Variants in MGA observed in about 807,000 individuals in gnomAD.
MGA encodes the protein MAX dimerization protein MGA.
In MGA, 40 loss-of-function variants were observed where a neutral mutation model predicts 261.1. The ratio of observed to expected loss-of-function variants is 0.15; its 90% CI spans 0.12 to 0.20. MGA has a LOEUF of 0.20. MGA is among the 10% of genes least tolerant of loss of function. The pLI is 1.00. For synonymous variants in MGA, 1,302 were observed against 1,290.6 expected (o/e 1.01, Z -0.19); for missense variants, 3,397 against 3,630.5 (o/e 0.94, Z 1.65).
rs556023707 is a variant in MGA at position 41,742,850 on chromosome 15, T to C, written c.4890T>C (p.Ser1630=). 3 of 1,613,986 alleles carry C rather than the reference T, an allele frequency of 1.9e-6. No individual in the cohort carries two copies. The highest frequency in any genetic ancestry group is 2.7e-5 in the African/African-American group (2 of 75,044). ...AAACTAAAGAAACTACTTATTCTTCTGGTGCCACCACTACAGGGGTTGTTG... is the reference window on the plus strand; with the variant it reads ...AAACTAAAGAAACTACTTATTCTTCCGGTGCCACCACTACAGGGGTTGTTG... Residue 1630 remains serine (S), a synonymous_variant, in exon 15 of 24, where the codon TCT becomes TCC. Transcript: ENST00000219905.
At chr15:41,697,142 G>C (rs2059584537) in intron 3 of MGA, 119 bp downstream of exon 3, 1 of 855,198 alleles carries the variant, frequency 1.2e-6, no homozygotes, top group Non-Finnish European at 1.7e-6. Flanking sequence ...GAGGGTGTAT[G>C]GGGGGTGGAG....
At chr15:41,702,705 T>C (rs1471611392) in intron 5 of MGA, among the ~76,000 whole-genome samples, 3 of 152,232 alleles carry the variant, frequency 2.0e-5, no homozygotes, top group African/African-American at 4.8e-5. Flanking sequence ...AATTTTTCTT[T>C]CCGTGGTACT....
chr15:41,640,728 A>G (rs987683937), intron 1 of MGA, among the ~76,000 whole-genome samples: 2 of 152,194 alleles, frequency 1.3e-5, no homozygotes, highest in African/African-American at 4.8e-5. Context: ...CATGTAAGTT[A>G]GGCTGGTCTC....
chr15:41,665,629 A>G (rs576700514), intron 1 of MGA, among the ~76,000 whole-genome samples: 3 of 151,328 alleles, frequency 2.0e-5, no homozygotes, highest in East Asian at 4.0e-4. Context: ...CAGCCTCCCA[A>G]CGTGCTGGCA....
intron 9 of MGA, among the ~76,000 whole-genome samples, chr15:41,723,580 T>G (rs963317856): frequency 2.6e-5 from 4 of 152,100 alleles, no homozygotes; most frequent in African/African-American, 9.7e-5. Flanking sequence ...CATGCCCAGC[T>G]AAAGCTTTTT....
rs1432549913 is a variant in MGA at position 41,767,361 on chromosome 15, G to A, written c.*81G>A. The stretch of plus-strand genomic sequence containing the variant: ...TTTCTCTGCAGGCATCTGTTTGTTT[G>A]TGTCTTAGAACTTGGATCCTTGACT... On this transcript the variant is annotated 3_prime_UTR_variant, in exon 24 of 24. Coordinates refer to ENST00000219905, the MANE Select transcript of MGA (RefSeq NM_001164273.2). The A allele has an allele frequency of 1.4e-6, 2 of 1,447,304 alleles. No homozygotes were observed. Among genetic ancestry groups the A allele is most frequent in the Non-Finnish European group, 1.9e-6 (2 of 1,072,846 alleles). 89.7% of individuals were successfully genotyped at this position (1,447,304 alleles called of 1,614,324 possible). A position where few individuals can be genotyped will look rare whatever the true frequency, so the allele number is the denominator to read the frequency against.
chr15:41,663,460 C>T (rs1194282739), intron 1 of MGA, among the ~76,000 whole-genome samples: 1 of 149,406 alleles, frequency 6.7e-6, no homozygotes, highest in Non-Finnish European at 1.5e-5. Context: ...AGTAGCCTAC[C>T]CTTTTCTTTT....
chr15:41,763,142 C>T (rs1384841644), intron 22 of MGA, among the ~76,000 whole-genome samples: 15 of 130,668 alleles, frequency 1.1e-4, no homozygotes, highest in African/African-American at 3.3e-4. Flanking sequence ...CTCTGTTGCC[C>T]GGGCTGGAGT....
At chr15:41,709,728 G>C (rs2060294218) in intron 7 of MGA, among the ~76,000 whole-genome samples, 1 of 151,328 alleles carries the variant, frequency 6.6e-6, no homozygotes, top group Non-Finnish European at 1.5e-5. Flanking sequence ...GAACCCCCGT[G>C]CTCAGTCTCA....
At chr15:41,729,913 A>G (rs768176965) in intron 11 of MGA, among the ~76,000 whole-genome samples, 1 of 151,378 alleles carries the variant, frequency 6.6e-6, no homozygotes, top group African/African-American at 2.4e-5. Flanking sequence ...TTATTTTGAG[A>G]TAGAGTTTTG....
At chr15:41,724,764 G>A (rs1267718162) in intron 9 of MGA, among the ~76,000 whole-genome samples, 4 of 152,176 alleles carry the variant, frequency 2.6e-5, no homozygotes, top group Admixed American at 2.6e-4. Context: ...GACAGAGACT[G>A]CAGCTGGCTA....
In MGA at chr15:41,710,860, A is replaced by G. The variant is rs2151478381; in HGVS notation, c.2595A>G (p.Val865=). ...TTCCCACTAAGAGTACCAGTTATGT[A>G]CGAACACTTGATAGTGTACTAAAGA... Residue 865 remains valine (V), a synonymous_variant, in exon 8 of 24, where the codon GTA becomes GTG. Transcript: ENST00000219905. 1 of 1,613,986 alleles carries G rather than the reference A, an allele frequency of 6.2e-7. No homozygotes were observed. The highest frequency in any genetic ancestry group is 8.5e-7 in the Non-Finnish European group (1 of 1,179,856).
At chr15:41,747,566 C>CAA (rs1203197778) in intron 15 of MGA, among the ~76,000 whole-genome samples, 16 of 117,734 alleles carry the variant, frequency 1.4e-4, no homozygotes, top group Non-Finnish European at 2.0e-4. Context: ...TCCATCTCCA[C>CAA]AAAAAAAAAA....
chr15:41,759,703 T>C (rs2063347663), intron 19 of MGA, among the ~76,000 whole-genome samples: 3 of 152,302 alleles, frequency 2.0e-5, no homozygotes, highest in Middle Eastern at 3.4e-3. Flanking sequence ...AAGAAGGACT[T>C]TCCTGAAAAA....
At chr15:41,621,388 C>G (rs2056275702) in intron 1 of MGA, 1 of 152,302 alleles carries the variant, frequency 6.6e-6, no homozygotes, top group Non-Finnish European at 1.5e-5. Context: ...GGATGGCCCT[C>G]TAACTACCCT....
chr15:41,657,995 C>T (rs2057242091), upstream of MGA, among the ~76,000 whole-genome samples: 2 of 152,124 alleles, frequency 1.3e-5, no homozygotes, highest in Admixed American at 6.5e-5. Flanking sequence ...AGCCTTTCCC[C>T]TATCCTCAGC....
chr15:41,662,077 C>T lies in MGA; in HGVS notation c.-68+1552C>T, dbSNP rs566077386. The stretch of plus-strand genomic sequence containing the variant: ...CTCGGGGAAGGCAGTGAGACCGAGC[C>T]TTTTACTTTCCTGCGTATCGGAACA... On this transcript the variant is annotated intron_variant, in intron 1 of 23. Transcript: ENST00000219905. 4.5e-4 allele frequency among the ~76,000 whole-genome samples: 68 copies of T among 152,262 alleles called. No homozygotes were observed. In the South Asian group the frequency reaches 0.011, roughly 24 times the overall value.
Position 41,742,977 on chromosome 15 carries a change from G to A in MGA, c.5017G>A (p.Val1673Ile), listed in dbSNP as rs1387971639. 2 of 1,613,882 alleles carry A rather than the reference G, an allele frequency of 1.2e-6. No individual in the cohort carries two copies. The highest frequency in any genetic ancestry group is 1.7e-6 in the Non-Finnish European group (2 of 1,179,896). ...TGGGATAACTACCCCTGTGGCTTCA[G>A]TTGCTTTTCCTAAGTCTTTGGTAGC... Residue 1673 changes from valine to isoleucine, a missense_variant, in exon 15 of 24, where the codon GTT becomes ATT. Val to Ile is a conservative substitution (Grantham distance 29). Around this residue, in one of 9 missense-constraint regions of MGA, gnomAD observed 1,410 missense variants for 1,386.4 expected, o/e 1.02. Transcript: ENST00000219905.
At chr15:41,750,814 T>A (rs1410029144) in intron 17 of MGA, 199 bp downstream of exon 17, 2 of 497,570 alleles carry the variant, frequency 4.0e-6, no homozygotes, top group Non-Finnish European at 6.9e-6. Context: ...TCTTTGAGAC[T>A]TGTCTGGTTT....
Sources: gnomAD v4.1 joint callset for allele counts (sites outside exome capture counted in the v4.1 genomes callset) on GRCh38, gnomAD v4.1.1 for gene constraint, gnomAD v4.1.1 regional missense constraint, MANE v1.5 for transcripts, NCBI Gene and HGNC (gene_info 2026-07-23, HGNC 2026-07-21) for gene names.